Variants in MECOM observed in about 807,000 individuals in gnomAD.
MECOM encodes MDS1 and EVI1 complex locus.
A neutral mutation model predicts 116.3 loss-of-function variants in MECOM; 13 were observed. The ratio of observed to expected loss-of-function variants is 0.11; its 90% CI spans 0.07 to 0.18. The LOEUF (loss-of-function observed/expected upper bound fraction) is 0.18, where lower values mean the gene tolerates loss of function less well. Ranked by LOEUF, MECOM falls within the 10% of genes least tolerant of loss-of-function variation. The pLI, the probability that MECOM is intolerant of heterozygous loss-of-function variation, is 1.00. For synonymous variants in MECOM, 528 were observed against 535.2 expected, an observed-to-expected ratio of 0.99 and a Z score of 0.19; for missense variants, 1,299 against 1,509.0, an observed-to-expected ratio of 0.86 and a Z score of 2.31.
intron 1 of MECOM, among the ~76,000 whole-genome samples, chr3:169,565,301 G>A (rs1441195036): frequency 2.0e-5 from 3 of 152,204 alleles, no homozygotes; most frequent in Non-Finnish European, 4.4e-5. Context: ...GCATCCTGGA[G>A]AATGGTGTCA....
chr3:169,285,859 C>A (rs1363167820), intron 2 of MECOM, among the ~76,000 whole-genome samples: 2 of 152,098 alleles, frequency 1.3e-5, no homozygotes, highest in African/African-American at 4.8e-5. Context: ...TTGCTTCAGG[C>A]CTTATAATGA....
intron 1 of MECOM, among the ~76,000 whole-genome samples, chr3:169,421,601 C>T (rs748299036): frequency 6.6e-6 from 1 of 152,058 alleles, no homozygotes; most frequent in Non-Finnish European, 1.5e-5. Context: ...TACTTCGCTG[C>T]CCTGTTCTTA....
intron 2 of MECOM, among the ~76,000 whole-genome samples, chr3:169,251,305 T>A (rs1343942310): frequency 6.6e-6 from 1 of 152,330 alleles, no homozygotes; most frequent in African/African-American, 2.4e-5. Context: ...TTTGAGTTAG[T>A]TGGATCTGTC....
chr3:169,133,751 T>C (rs1006249791), intron 3 of MECOM, among the ~76,000 whole-genome samples: 3 of 152,202 alleles, frequency 2.0e-5, no homozygotes, highest in African/African-American at 7.2e-5. Flanking sequence ...TGAGAACAGT[T>C]CTTTTTAAAG....
intron 2 of MECOM, among the ~76,000 whole-genome samples, chr3:169,291,762 T>C (rs1714606247): frequency 6.6e-6 from 1 of 152,206 alleles, no homozygotes; most frequent in Non-Finnish European, 1.5e-5. Context: ...CCAATAAAAC[T>C]TTCTTTTGCT....
chr3:169,416,485 CA>C (rs1406384457), intron 1 of MECOM, among the ~76,000 whole-genome samples: 1 of 151,652 alleles, frequency 6.6e-6, no homozygotes, highest in Non-Finnish European at 1.5e-5. Context: ...CAAGAGCAAA[CA>C]AATTCAACAG....
intron 2 of MECOM, among the ~76,000 whole-genome samples, chr3:169,298,479 T>C (rs1577633886): frequency 1.3e-5 from 2 of 151,818 alleles, no homozygotes; most frequent in African/African-American, 4.8e-5. Context: ...TATTAATATT[T>C]CCATCTATTT....
chr3:169,661,904 C>A lies in MECOM; in HGVS notation c.37+1432G>T, dbSNP rs558985701. On this transcript the variant is annotated intron_variant, in intron 1 of 16. Transcript: ENST00000651503. ...TAGAGAGTTTTGTTTTCGGCGAGTG[C>A]GAGTGTGGGAGAGAGAACCGCGGCC... Among the ~76,000 whole-genome samples the A allele has an allele frequency of 1.2e-4, 18 of 152,288 alleles. 1 individual carries two copies. The East Asian group carries it at 2.1e-3, about 18-fold the overall frequency.
intron 2 of MECOM, among the ~76,000 whole-genome samples, chr3:169,317,836 A>G (rs551339939): frequency 1.2e-4 from 19 of 152,344 alleles, no homozygotes; most frequent in African/African-American, 4.3e-4. Context: ...AGCAAAAAGA[A>G]CAAAGCTGGA....
rs1739500316 is a variant in MECOM at position 169,145,222 on chromosome 3, G to A, written c.376-1390C>T. The A allele has an allele frequency of 7.4e-6, 4 of 541,226 alleles. No individual in the cohort carries two copies. The East Asian group carries it at 8.9e-5, about 12-fold the overall frequency. 33.5% of individuals were successfully genotyped at this position (541,226 alleles called of 1,614,324 possible). ...AATCAAACTCTTCTTTTTCAAGGATGCCTCTTCACACTAACAACGACAGAA... is the reference window on the plus strand; with the variant it reads ...AATCAAACTCTTCTTTTTCAAGGATACCTCTTCACACTAACAACGACAGAA... On this transcript the variant is annotated intron_variant, in intron 2 of 16. Coordinates refer to ENST00000651503, the MANE Select transcript of MECOM (RefSeq NM_004991.4).
chr3:169,348,553 T>TCAGG (rs1237483788), intron 2 of MECOM, among the ~76,000 whole-genome samples: 1 of 152,002 alleles, frequency 6.6e-6, no homozygotes, highest in African/African-American at 2.4e-5. Flanking sequence ...TCGTTCTTCT[T>TCAGG]CAGGAACTAC....
At chr3:169,143,967 T>A in intron 2 of MECOM, 135 bp from the exon 3 acceptor site, 1 of 984,458 alleles carries the variant, frequency 1.0e-6, no homozygotes, top group Non-Finnish European at 1.4e-6. Flanking sequence ...ACAAGCACAT[T>A]AATAGAGGGG....
rs1730878051 is a variant in MECOM at position 169,121,106 on chromosome 3, G to A, written c.1082C>T (p.Ser361Leu). 6.2e-7 allele frequency: 1 copy of A among 1,613,520 alleles called. No individual in the cohort carries two copies. Among genetic ancestry groups the A allele is most frequent in the Non-Finnish European group, 8.5e-7 (1 of 1,179,700 alleles). Residue 361 changes from serine (S) to leucine (L), a missense_variant, in exon 7 of 17, where the codon TCG becomes TTG. This residue lies in a region of MECOM where 42 missense variants were observed against 103.9 expected (regional missense o/e 0.40). Coordinates refer to ENST00000651503, the MANE Select transcript of MECOM (RefSeq NM_004991.4). ...PECGKTFATSSGLKQHKHIHS... is the reference protein window; with the variant it reads ...PECGKTFATSLGLKQHKHIHS... ...GATGTGCTTGTGTTGTTTGAGGCCC[G>A]ACGAAGTGGCAAACGTTTTGCCACA...
chr3:169,225,480 T>C (rs566961022), intron 2 of MECOM, among the ~76,000 whole-genome samples: 17 of 152,224 alleles, frequency 1.1e-4, no homozygotes, highest in Non-Finnish European at 2.4e-4. Flanking sequence ...CTGGTGATCT[T>C]AGCTGTATCT....
chr3:169,502,721 T>A (rs1754682787), intron 1 of MECOM, among the ~76,000 whole-genome samples: 1 of 152,130 alleles, frequency 6.6e-6, no homozygotes, highest in Non-Finnish European at 1.5e-5. Context: ...AAGTTCAACA[T>A]CATTATAGGA....
chr3:169,177,695 T>C (rs1745368329), intron 2 of MECOM, among the ~76,000 whole-genome samples: 1 of 152,102 alleles, frequency 6.6e-6, no homozygotes, highest in African/African-American at 2.4e-5. Context: ...GGCGGGCAGA[T>C]TACCTTAGGT....
chr3:169,398,296 C>A (rs1735317273), intron 1 of MECOM, among the ~76,000 whole-genome samples: 1 of 152,094 alleles, frequency 6.6e-6, no homozygotes, highest in African/African-American at 2.4e-5. Context: ...AAGATTGCCA[C>A]TCATTTATAC....
intron 2 of MECOM, among the ~76,000 whole-genome samples, chr3:169,315,012 C>G (rs758798240): frequency 1.3e-4 from 20 of 152,166 alleles, no homozygotes; most frequent in African/African-American, 4.8e-5. Context: ...TTCCTCTTAA[C>G]AGCTACTATT....
intron 1 of MECOM, chr3:169,484,044 A>G: frequency 7.7e-7 from 1 of 1,303,260 alleles, no homozygotes; most frequent in Admixed American, 1.8e-5. Flanking sequence ...TATATAACTA[A>G]TGGAAAGTAC....
Sources: allele counts gnomAD v4.1 joint callset (sites outside exome capture counted in the v4.1 genomes callset), GRCh38; gene constraint gnomAD v4.1.1; regional missense constraint gnomAD v4.1.1; transcripts MANE v1.5; gene names NCBI Gene and HGNC (gene_info 2026-07-23, HGNC 2026-07-21).